The following EHMT1 variants were observed in gnomAD, a reference collection of about 807,000 sequenced individuals.
EHMT1 encodes the protein histone-lysine N-methyltransferase EHMT1.
In EHMT1, 15 loss-of-function variants were observed where a neutral mutation model predicts 147.2. That is an observed-to-expected ratio of 0.10 (90% CI 0.07 to 0.16). The LOEUF is 0.16. Among genes scored for constraint, EHMT1 ranks in the 10% least tolerant of loss-of-function variants. The pLI, the probability that EHMT1 is intolerant of heterozygous loss-of-function variation, is 1.00. For synonymous variants in EHMT1, 795 were observed against 709.6 expected, an observed-to-expected ratio of 1.12 and a Z score of -1.91; for missense variants, 1,587 against 1,772.4, an observed-to-expected ratio of 0.90 and a Z score of 1.88.
intron 6 of EHMT1, chr9:137,747,621 A>G (rs1449976353): frequency 2.6e-5 from 4 of 152,226 alleles, no homozygotes; most frequent in South Asian, 2.1e-4. Flanking sequence ...CACAACGTAT[A>G]TGTGTTTTTA....
At chr9:137,781,287 A>G (rs375708900) in intron 14 of EHMT1, among the ~76,000 whole-genome samples, 1,165 of 87,684 alleles carry the variant, frequency 0.013, 59 homozygotes, top group Non-Finnish European at 0.02. Flanking sequence ...GATGACGCTG[A>G]GATGTGTGGT....
rs1956508904 is a variant in EHMT1 at position 137,835,119 on chromosome 9, G to T, written c.*166G>T. Reference sequence around the variant, plus strand: ...GCTGCAGCCCCTGCGGGCGGGTGTGGATGCCTCCCAGCCACCTTCCCAGAC... The same window carrying T: ...GCTGCAGCCCCTGCGGGCGGGTGTGTATGCCTCCCAGCCACCTTCCCAGAC... On this transcript the variant is annotated 3_prime_UTR_variant, in exon 27 of 27. Coordinates refer to ENST00000460843, the MANE Select transcript of EHMT1 (RefSeq NM_024757.5). The T allele has an allele frequency of 2.5e-6, 2 of 788,092 alleles. No individual in the cohort carries two copies. Among genetic ancestry groups the T allele is most frequent in the Non-Finnish European group, 3.6e-6 (2 of 561,172 alleles). 48.8% of individuals were successfully genotyped at this position (788,092 alleles called of 1,614,324 possible).
At chr9:137,822,918 T>G (rs1312518916) in intron 25 of EHMT1, among the ~76,000 whole-genome samples, 3 of 151,502 alleles carry the variant, frequency 2.0e-5, no homozygotes, top group East Asian at 1.9e-4. Flanking sequence ...AAGCCTGTTT[T>G]TTGTTGTTGT....
In EHMT1 at chr9:137,684,729, G is replaced by A. The variant is rs113722066; in HGVS notation, c.22-26238G>A. On this transcript the variant is annotated intron_variant, in intron 1 of 26. Transcript: ENST00000460843. Reference sequence around the variant, plus strand: ...GCTGCTCTCGAACTCCTGAGCTCAGGCGATCTCCACCTCAGCCTCCCAACG... The same window carrying A: ...GCTGCTCTCGAACTCCTGAGCTCAGACGATCTCCACCTCAGCCTCCCAACG... 1.2e-4 allele frequency among the ~76,000 whole-genome samples: 19 copies of A among 152,166 alleles called. 1 individual carries two copies. The highest frequency in any genetic ancestry group is 4.6e-4 in the African/African-American group (19 of 41,524).
chr9:137,790,953 G>T lies in EHMT1; in HGVS notation c.2488G>T (p.Ala830Ser). The change falls in exon 16 of 27, where the codon GCC becomes TCC. Residue 830 changes from alanine (A) to serine (S), a missense_variant. Transcript: ENST00000460843. ...AGTGAAGTACCTCATCAAGGCTGGG[G>T]CCCTGGTGGATCCCAAGGTATGTTC... is the stretch of plus-strand genomic sequence containing the variant. ...EAVKYLIKAGALVDPKDAEGS... is the reference protein window; with the variant it reads ...EAVKYLIKAGSLVDPKDAEGS... The T allele has an allele frequency of 6.2e-7, 1 of 1,614,180 alleles. No individual in the cohort carries two copies. Among genetic ancestry groups the T allele is most frequent in the South Asian group, 1.1e-5 (1 of 91,074 alleles).
intron 8 of EHMT1, 44 bp from the exon 9 acceptor site, chr9:137,757,836 C>T (rs547356408): frequency 6.6e-5 from 106 of 1,611,442 alleles, no homozygotes; most frequent in East Asian, 2.9e-4. Context: ...TGGGTGCGGC[C>T]GCCTGGGTGC....
chr9:137,722,693 C>T (rs1360602781), intron 3 of EHMT1, among the ~76,000 whole-genome samples: 1 of 145,432 alleles, frequency 6.9e-6, no homozygotes, highest in Non-Finnish European at 1.5e-5. Flanking sequence ...CCTGTGCCCC[C>T]GGTATGCTCT....
intron 1 of EHMT1, among the ~76,000 whole-genome samples, chr9:137,663,680 T>C (rs1369210267): frequency 6.6e-6 from 1 of 152,218 alleles, no homozygotes; most frequent in African/African-American, 2.4e-5. Context: ...CTTGGTATCA[T>C]AGACACCCTG....
chr9:137,758,629 G>T (rs947602394), intron 9 of EHMT1, among the ~76,000 whole-genome samples: 1 of 152,134 alleles, frequency 6.6e-6, no homozygotes, highest in African/African-American at 2.4e-5. Flanking sequence ...AGATTTATTC[G>T]AAGCATGATG....
At chr9:137,658,207 G>A (rs1484450672) in intron 1 of EHMT1, among the ~76,000 whole-genome samples, 1 of 152,180 alleles carries the variant, frequency 6.6e-6, no homozygotes. Context: ...CTGGAGTGCT[G>A]CGGCATGATC....
At position 137,813,417 on chromosome 9, in the gene EHMT1, A is replaced by G. The variant is rs768175227; in HGVS notation, c.3067A>G (p.Ile1023Val). Residue 1023 changes from isoleucine (I) to valine (V), a missense_variant, in exon 21 of 27, where the codon ATC (isoleucine) becomes GTC (valine). Physicochemically the swap from Ile to Val is conservative, Grantham distance 29 (BLOSUM62 3). Coordinates refer to ENST00000460843, the MANE Select transcript of EHMT1 (RefSeq NM_024757.5). This position sits in a 1 kb window ranked among gnomAD's most constrained non-coding sequence, Gnocchi z 4.9. ...DIARGYERIP[I>V]PCVNAVDSEP... ...CGCTCGAGGCTACGAGCGCATCCCCATCCCCTGTGTCAACGCCGTGGACAG... is the reference window on the plus strand; with the variant it reads ...CGCTCGAGGCTACGAGCGCATCCCCGTCCCCTGTGTCAACGCCGTGGACAG... 1 of 1,613,400 alleles carries G rather than the reference A, an allele frequency of 6.2e-7. No homozygotes were observed. Among genetic ancestry groups the G allele is most frequent in the Middle Eastern group, 1.6e-4 (1 of 6,062 alleles).
chr9:137,783,347 C>T (rs573837568), intron 15 of EHMT1, among the ~76,000 whole-genome samples: 132 of 152,354 alleles, frequency 8.7e-4, no homozygotes, highest in African/African-American at 3.1e-3. Context: ...AGCATTCTCA[C>T]CTTCAGCTTC....
chr9:137,777,936 C>T lies in EHMT1; in HGVS notation c.2073C>T (p.His691=), dbSNP rs527346049. 6.8e-6 allele frequency: 11 copies of T among 1,613,880 alleles called. No homozygotes were observed. Among genetic ancestry groups the T allele is most frequent in the Admixed American group, 1.7e-5 (1 of 60,030 alleles). ...ACAAGCTGCAGGGTGCAGCCTCCCA[C>T]GTGCCCGAGGGCTTTGATCCAACGG... ...EDDKLQGAAS[H]VPEGFDPTGP... Residue 691 remains histidine, a synonymous_variant, in exon 13 of 27, where the codon CAC becomes CAT. Coordinates refer to ENST00000460843, the MANE Select transcript of EHMT1 (RefSeq NM_024757.5).
At chr9:137,718,627 A>G (rs1277703724) in intron 3 of EHMT1, among the ~76,000 whole-genome samples, 1 of 151,878 alleles carries the variant, frequency 6.6e-6, no homozygotes, top group African/African-American at 2.4e-5. Flanking sequence ...GTCTGTTTCC[A>G]GCTTCCTTAC....
At chr9:137,633,876 C>T (rs1486522956) in intron 1 of EHMT1, among the ~76,000 whole-genome samples, 1 of 149,454 alleles carries the variant, frequency 6.7e-6, no homozygotes, top group Non-Finnish European at 1.5e-5. Context: ...GGCTGGAGTG[C>T]AATCTAGTCT....
At chr9:137,627,388 A>C (rs1395952574) in intron 1 of EHMT1, among the ~76,000 whole-genome samples, 1 of 145,174 alleles carries the variant, frequency 6.9e-6, no homozygotes, top group African/African-American at 2.6e-5. Context: ...TCAGCCTCCC[A>C]AGTAGCTGGG....
chr9:137,641,579 C>T (rs1031907746), intron 1 of EHMT1: 17 of 289,580 alleles, frequency 5.9e-5, no homozygotes, highest in South Asian at 4.9e-4. Context: ...TGTCTATGTT[C>T]GCTCTCCCAG....
chr9:137,815,724 G>C, intron 22 of EHMT1: 1 of 573,602 alleles, frequency 1.7e-6, no homozygotes, highest in Non-Finnish European at 3.2e-6. Flanking sequence ...CTAGGGGAGC[G>C]CTCCAGGGGG....
intron 1 of EHMT1, among the ~76,000 whole-genome samples, chr9:137,673,475 C>G (rs564657976): frequency 1.3e-5 from 2 of 152,144 alleles, no homozygotes. Flanking sequence ...GGAGGCAGGG[C>G]AGCTGTGTCC....
Sources: allele counts gnomAD v4.1 joint callset (sites outside exome capture counted in the v4.1 genomes callset), GRCh38; gene constraint gnomAD v4.1.1; non-coding constraint Gnocchi (gnomAD v3.1); transcripts MANE v1.5; gene names NCBI Gene and HGNC (gene_info 2026-07-23, HGNC 2026-07-21).